Variants in H2BC15 observed in about 807,000 individuals in gnomAD.
H2BC15 encodes the protein H2B clustered histone 15, also known as histone H2B type 1-N.
In H2BC15, 5 loss-of-function variants were observed where a neutral mutation model predicts 6.6. The observed-to-expected ratio is 0.75, with a 90% CI of 0.39 to 1.59. The LOEUF is 1.59. H2BC15 is among the 40% of genes most tolerant of loss of function. The pLI is 0.02. For synonymous variants in H2BC15, 87 were observed against 75.2 expected (o/e 1.16, Z -0.81); for missense variants, 148 against 169.4 (o/e 0.87, Z 0.70).
In H2BC15 at chr6:27,838,603, T is replaced by G; in HGVS notation, c.-59T>G. ...AAGAAGCAGTGAATAAGCGGTAGGT[T>G]GACAGAGCTACCGTCTTCCTGTTTT... On this transcript the variant is annotated 5_prime_UTR_variant, in exon 1 of 1. Coordinates refer to ENST00000612898, the MANE Select transcript of H2BC15 (RefSeq NM_003520.4). 1 of 1,596,118 alleles carries G rather than the reference T, an allele frequency of 6.3e-7. No homozygotes were observed. Among genetic ancestry groups the G allele is most frequent in the Non-Finnish European group, 8.5e-7 (1 of 1,171,108 alleles).
chr6:27,839,044 C>G lies in H2BC15; in HGVS notation c.*2C>G. ...ACCAAGTACACCAGTTCCAAGTGAGCCCGCCCACCGCGGAACGTTCGGTCA... is the reference window on the plus strand; with the variant it reads ...ACCAAGTACACCAGTTCCAAGTGAGGCCGCCCACCGCGGAACGTTCGGTCA... On this transcript the variant is annotated 3_prime_UTR_variant, in exon 1 of 1. Transcript: ENST00000612898. The G allele has an allele frequency of 1.2e-6, 2 of 1,613,514 alleles. No homozygotes were observed. The highest frequency in any genetic ancestry group is 1.3e-5 in the African/African-American group (1 of 75,034).
rs1385870083 is a variant in H2BC15, at chr6:27,838,772, C to G, written c.111C>G (p.Ser37Arg). The G allele has an allele frequency of 1.9e-6, 3 of 1,614,146 alleles. No individual in the cohort carries two copies. Among genetic ancestry groups the G allele is most frequent in the Non-Finnish European group, 2.5e-6 (3 of 1,180,052 alleles). ...AGCGCAAGCGCAGCCGCAAGGAGAG[C>G]TACTCCGTGTACGTGTACAAGGTGC... ...GKKRKRSRKESYSVYVYKVLK... is the reference protein window; with the variant it reads ...GKKRKRSRKERYSVYVYKVLK... The change falls in exon 1 of 1, where the codon AGC (serine) becomes AGG (arginine). Residue 37 changes from serine to arginine, a missense_variant. Coordinates refer to ENST00000612898, the MANE Select transcript of H2BC15 (RefSeq NM_003520.4).
In H2BC15 at chr6:27,838,797, C is replaced by T. The variant is rs771928752; in HGVS notation, c.136C>T (p.Leu46=). 1.2e-6 allele frequency: 2 copies of T among 1,614,150 alleles called. No individual in the cohort carries two copies. Among genetic ancestry groups the T allele is most frequent in the African/African-American group, 1.3e-5 (1 of 74,952 alleles). ...ESYSVYVYKV[L]KQVHPDTGIS... Reference sequence around the variant, plus strand: ...CTACTCCGTGTACGTGTACAAGGTGCTGAAGCAGGTCCACCCCGACACCGG... The same window carrying T: ...CTACTCCGTGTACGTGTACAAGGTGTTGAAGCAGGTCCACCCCGACACCGG... Residue 46 remains leucine (L), a synonymous_variant, in exon 1 of 1, where the codon CTG becomes TTG. Coordinates refer to ENST00000612898, the MANE Select transcript of H2BC15 (RefSeq NM_003520.4).
chr6:27,838,983 G>T lies in H2BC15; in HGVS notation c.322G>T (p.Ala108Ser). ...AVRLLLPGELAKHAVSEGTKA... is the reference protein window; with the variant it reads ...AVRLLLPGELSKHAVSEGTKA... ...GCGCCTGCTGCTGCCAGGGGAGCTG[G>T]CCAAGCACGCGGTGTCGGAGGGCAC... Residue 108 changes from alanine to serine, a missense_variant, in exon 1 of 1, where the codon GCC (alanine) becomes TCC (serine). Ala to Ser is a moderately conservative substitution (Grantham distance 99). Coordinates refer to ENST00000612898, the MANE Select transcript of H2BC15 (RefSeq NM_003520.4). 1.9e-6 allele frequency: 3 copies of T among 1,614,216 alleles called. No individual in the cohort carries two copies. Among genetic ancestry groups the T allele is most frequent in the Non-Finnish European group, 2.5e-6 (3 of 1,180,040 alleles).
Position 27,838,900 on chromosome 6 carries a change from G to A in H2BC15, c.239G>A (p.Arg80His). The A allele has an allele frequency of 6.2e-7, 1 of 1,614,254 alleles. No homozygotes were observed. Among genetic ancestry groups the A allele is most frequent in the Non-Finnish European group, 8.5e-7 (1 of 1,180,048 alleles). ...IFERIAGEASRLAHYNKRSTI... is the reference protein window; with the variant it reads ...IFERIAGEASHLAHYNKRSTI... Reference sequence around the variant, plus strand: ...GAGCGCATCGCCGGCGAGGCTTCCCGCCTGGCGCATTACAACAAGCGCTCG... The same window carrying A: ...GAGCGCATCGCCGGCGAGGCTTCCCACCTGGCGCATTACAACAAGCGCTCG... Residue 80 changes from arginine (R) to histidine (H), a missense_variant, in exon 1 of 1, where the codon CGC (arginine) becomes CAC (histidine). Physicochemically the swap from Arg to His is conservative, Grantham distance 29. Transcript: ENST00000612898.
Position 27,839,036 on chromosome 6 carries a change from C to T in H2BC15, c.375C>T (p.Ser125=). Residue 125 remains serine (S), a synonymous_variant, in exon 1 of 1, where the codon TCC becomes TCT. Transcript: ENST00000612898. The stretch of plus-strand genomic sequence containing the variant: ...AGGCCGTCACCAAGTACACCAGTTC[C>T]AAGTGAGCCCGCCCACCGCGGAACG... ...GTKAVTKYTS[S]K 6.2e-7 allele frequency: 1 copy of T among 1,613,860 alleles called. No homozygotes were observed.
At position 27,839,109 on chromosome 6, in the gene H2BC15, C is replaced by A; in HGVS notation, c.*67C>A. 6.4e-7 allele frequency: 1 copy of A among 1,566,656 alleles called. No homozygotes were observed. The highest frequency in any genetic ancestry group is 8.6e-7 in the Non-Finnish European group (1 of 1,157,024). ...CCCAAAGGCTCTTTTCAGAGCCACT[C>A]AGTCTTCCCAAAGAGAACTGGCACT... On this transcript the variant is annotated 3_prime_UTR_variant, in exon 1 of 1. Coordinates refer to ENST00000612898, the MANE Select transcript of H2BC15 (RefSeq NM_003520.4).
rs775449129 is a variant in H2BC15 at position 27,839,002 on chromosome 6, AG to A, written c.344del (p.Gly115AlafsTer?). 1.9e-6 allele frequency: 3 copies of A among 1,614,038 alleles called. No individual in the cohort carries two copies. In the African/African-American group the frequency reaches 4.0e-5, roughly 22 times the overall value. ...GAGCTGGCCAAGCACGCGGTGTCGG[AG>A]GGCACCAAGGCCGTCACCAAGTACA... is the stretch of plus-strand genomic sequence containing the variant. ...PGELAKHAVS[E>X]GTKAVTKYTS... On this transcript the variant is annotated frameshift_variant, in exon 1 of 1. Coordinates refer to ENST00000612898, the MANE Select transcript of H2BC15 (RefSeq NM_003520.4). LOFTEE classifies it high-confidence loss of function.
chr6:27,838,578 A>C lies in H2BC15; in HGVS notation c.-84A>C. On this transcript the variant is annotated 5_prime_UTR_variant, in exon 1 of 1. Transcript: ENST00000612898. Reference sequence around the variant, plus strand: ...CTTCATTCTCTACCCCACTTGCGTTAAGAAGCAGTGAATAAGCGGTAGGTT... The same window carrying C: ...CTTCATTCTCTACCCCACTTGCGTTCAGAAGCAGTGAATAAGCGGTAGGTT... The C allele has an allele frequency of 6.4e-7, 1 of 1,564,796 alleles. No homozygotes were observed. Among genetic ancestry groups the C allele is most frequent in the Non-Finnish European group, 8.6e-7 (1 of 1,156,080 alleles).
At position 27,838,809 on chromosome 6, in the gene H2BC15, C is replaced by T. The variant is rs1226314722; in HGVS notation, c.148C>T (p.His50Tyr). 6.2e-7 allele frequency: 1 copy of T among 1,614,160 alleles called. No homozygotes were observed. The highest frequency in any genetic ancestry group is 8.5e-7 in the Non-Finnish European group (1 of 1,180,060). ...VYVYKVLKQVHPDTGISSKAM... is the reference protein window; with the variant it reads ...VYVYKVLKQVYPDTGISSKAM... ...CGTGTACAAGGTGCTGAAGCAGGTC[C>T]ACCCCGACACCGGTATCTCGTCCAA... is the stretch of plus-strand genomic sequence containing the variant. The change falls in exon 1 of 1, where the codon CAC becomes TAC. Residue 50 changes from histidine (H) to tyrosine (Y), a missense_variant. This residue lies in a region of H2BC15 where 90 missense variants were observed against 74.7 expected (regional missense o/e 1.20). Coordinates refer to ENST00000612898, the MANE Select transcript of H2BC15 (RefSeq NM_003520.4).
rs2113897854 is a variant in H2BC15, at chr6:27,838,610, G to A, written c.-52G>A. The A allele has an allele frequency of 1.6e-5, 25 of 1,602,732 alleles. No individual in the cohort carries two copies. The highest frequency in any genetic ancestry group is 2.0e-5 in the Non-Finnish European group (24 of 1,174,250). ...AGTGAATAAGCGGTAGGTTGACAGA[G>A]CTACCGTCTTCCTGTTTTTTTCCTC... On this transcript the variant is annotated 5_prime_UTR_variant, in exon 1 of 1. Transcript: ENST00000612898.
At position 27,838,656 on chromosome 6, in the gene H2BC15, CCA is replaced by C. The variant is rs1761086137; in HGVS notation, c.-5_-4del. On this transcript the variant is annotated 5_prime_UTR_variant, in exon 1 of 1. Transcript: ENST00000612898. The stretch of plus-strand genomic sequence containing the variant: ...TCCTCCAATTTTCCGGCAGTTACTC[CCA>C]GTCATGCCCGAGCCCTCAAAGTCCG... The C allele has an allele frequency of 1.2e-6, 2 of 1,612,666 alleles. No individual in the cohort carries two copies. The highest frequency in any genetic ancestry group is 2.2e-5 in the South Asian group (2 of 91,048).
In H2BC15 at chr6:27,838,928, C is replaced by T. The variant is rs762034527; in HGVS notation, c.267C>T (p.Thr89=). The change falls in exon 1 of 1, where the codon ACC becomes ACT. Residue 89 remains threonine (T), a synonymous_variant. Coordinates refer to ENST00000612898, the MANE Select transcript of H2BC15 (RefSeq NM_003520.4). ...TGGCGCATTACAACAAGCGCTCGAC[C>T]ATCACCTCCAGGGAGATCCAGACGG... ...SRLAHYNKRS[T]ITSREIQTAV... 1 of 1,614,274 alleles carries T rather than the reference C, an allele frequency of 6.2e-7. No homozygotes were observed. The highest frequency in any genetic ancestry group is 8.5e-7 in the Non-Finnish European group (1 of 1,180,054).
Position 27,838,692 on chromosome 6 carries a change from C to G in H2BC15, c.31C>G (p.Pro11Ala). The G allele has an allele frequency of 1.9e-6, 3 of 1,614,138 alleles. No homozygotes were observed. Among genetic ancestry groups the G allele is most frequent in the Non-Finnish European group, 2.5e-6 (3 of 1,180,028 alleles). Residue 11 changes from proline to alanine, a missense_variant, in exon 1 of 1, where the codon CCG (proline) becomes GCG (alanine). Coordinates refer to ENST00000612898, the MANE Select transcript of H2BC15 (RefSeq NM_003520.4). ...CGAGCCCTCAAAGTCCGCTCCTGCCCCGAAGAAAGGCTCCAAGAAGGCAGT... is the reference window on the plus strand; with the variant it reads ...CGAGCCCTCAAAGTCCGCTCCTGCCGCGAAGAAAGGCTCCAAGAAGGCAGT... Reference protein sequence around the residue: MPEPSKSAPAPKKGSKKAVTK... With the variant: MPEPSKSAPAAKKGSKKAVTK...
At position 27,838,632 on chromosome 6, in the gene H2BC15, C is replaced by T. The variant is rs768438249; in HGVS notation, c.-30C>T. 28 of 1,602,568 alleles carry T rather than the reference C, an allele frequency of 1.7e-5. No homozygotes were observed. Among genetic ancestry groups the T allele is most frequent in the Non-Finnish European group, 1.5e-5 (18 of 1,176,206 alleles). On this transcript the variant is annotated 5_prime_UTR_variant, in exon 1 of 1. Transcript: ENST00000612898. ...AGAGCTACCGTCTTCCTGTTTTTTT[C>T]CTCCAATTTTCCGGCAGTTACTCCC...
chr6:27,838,959 C>T lies in H2BC15; in HGVS notation c.298C>T (p.Arg100Cys), dbSNP rs1417876984. 2 of 1,614,252 alleles carry T rather than the reference C, an allele frequency of 1.2e-6. No homozygotes were observed. Among genetic ancestry groups the T allele is most frequent in the Non-Finnish European group, 1.7e-6 (2 of 1,180,042 alleles). Residue 100 changes from arginine (R) to cysteine (C), a missense_variant, in exon 1 of 1, where the codon CGC (arginine) becomes TGC (cysteine). Coordinates refer to ENST00000612898, the MANE Select transcript of H2BC15 (RefSeq NM_003520.4). Reference protein sequence around the residue: ...ITSREIQTAVRLLLPGELAKH... With the variant: ...ITSREIQTAVCLLLPGELAKH... ...CTCCAGGGAGATCCAGACGGCCGTGCGCCTGCTGCTGCCAGGGGAGCTGGC... is the reference window on the plus strand; with the variant it reads ...CTCCAGGGAGATCCAGACGGCCGTGTGCCTGCTGCTGCCAGGGGAGCTGGC...
At position 27,838,709 on chromosome 6, in the gene H2BC15, G is replaced by A. The variant is rs774256487; in HGVS notation, c.48G>A (p.Lys16=). 2 of 1,614,182 alleles carry A rather than the reference G, an allele frequency of 1.2e-6. No individual in the cohort carries two copies. The highest frequency in any genetic ancestry group is 1.1e-5 in the South Asian group (1 of 91,088). ...KSAPAPKKGS[K]KAVTKAQKKD... The stretch of plus-strand genomic sequence containing the variant: ...CTCCTGCCCCGAAGAAAGGCTCCAA[G>A]AAGGCAGTGACAAAGGCCCAGAAGA... The change falls in exon 1 of 1, where the codon AAG becomes AAA. Residue 16 remains lysine, a synonymous_variant. Coordinates refer to ENST00000612898, the MANE Select transcript of H2BC15 (RefSeq NM_003520.4).
rs1262020620 is a variant in H2BC15, at chr6:27,838,665, C to G, written c.4C>G (p.Pro2Ala). 6.2e-7 allele frequency: 1 copy of G among 1,613,992 alleles called. No individual in the cohort carries two copies. Among genetic ancestry groups the G allele is most frequent in the Non-Finnish European group, 8.5e-7 (1 of 1,179,950 alleles). ...TTTCCGGCAGTTACTCCCAGTCATG[C>G]CCGAGCCCTCAAAGTCCGCTCCTGC... M[P>A]EPSKSAPAPK... The change falls in exon 1 of 1, where the codon CCC becomes GCC. Residue 2 changes from proline to alanine, a missense_variant. Pro to Ala is a conservative substitution (Grantham distance 27). Around this residue, in one of 2 missense-constraint regions of H2BC15, gnomAD observed 90 missense variants for 74.7 expected, o/e 1.20. Coordinates refer to ENST00000612898, the MANE Select transcript of H2BC15 (RefSeq NM_003520.4).
At position 27,838,740 on chromosome 6, in the gene H2BC15, G is replaced by A. The variant is rs773528950; in HGVS notation, c.79G>A (p.Gly27Ser). Residue 27 changes from glycine to serine, a missense_variant, in exon 1 of 1, where the codon GGC becomes AGC. This residue lies in a region of H2BC15 where 90 missense variants were observed against 74.7 expected (regional missense o/e 1.20). Transcript: ENST00000612898. ...AGTGACAAAGGCCCAGAAGAAGGAC[G>A]GCAAGAAGCGCAAGCGCAGCCGCAA... ...KAVTKAQKKDGKKRKRSRKES... is the reference protein window; with the variant it reads ...KAVTKAQKKDSKKRKRSRKES... 5.3e-5 allele frequency: 86 copies of A among 1,614,102 alleles called. No homozygotes were observed. Among genetic ancestry groups the A allele is most frequent in the Non-Finnish European group, 7.1e-5 (84 of 1,180,060 alleles).
Sources: gnomAD v4.1 joint callset for allele counts on GRCh38, gnomAD v4.1.1 for gene constraint, gnomAD v4.1.1 regional missense constraint, MANE v1.5 for transcripts, NCBI Gene and HGNC (gene_info 2026-07-23, HGNC 2026-07-21) for gene names.